Variants in NBEA observed in about 807,000 individuals in gnomAD.
NBEA encodes the protein lysosomal-trafficking regulator 2.
A neutral mutation model predicts 343.4 loss-of-function variants in NBEA; 44 were observed. The ratio of observed to expected loss-of-function variants is 0.13; its 90% CI spans 0.10 to 0.16. The LOEUF (loss-of-function observed/expected upper bound fraction) is 0.16, where lower values mean the gene tolerates loss of function less well. NBEA is among the 10% of genes least tolerant of loss of function. NBEA has a pLI of 1.00. For missense variants in NBEA, 2,555 were observed against 3,631.3 expected, an observed-to-expected ratio of 0.70 and a Z score of 7.62; for synonymous variants, 1,175 against 1,238.7, an observed-to-expected ratio of 0.95 and a Z score of 1.08.
chr13:35,196,803 A>T (rs916479657), intron 31 of NBEA, among the ~76,000 whole-genome samples: 1 of 152,138 alleles, frequency 6.6e-6, no homozygotes, highest in Non-Finnish European at 1.5e-5. Context: ...GTTTGTGGTC[A>T]TCTTCTTTAT....
At chr13:35,301,708 A>G (rs2036560476) in intron 35 of NBEA, among the ~76,000 whole-genome samples, 1 of 152,064 alleles carries the variant, frequency 6.6e-6, no homozygotes, top group Non-Finnish European at 1.5e-5. Context: ...ATACCCAGTA[A>G]TGGGATTACT....
At chr13:35,211,212 CT>C in intron 33 of NBEA, 33 bp downstream of exon 33, 1 of 1,513,858 alleles carries the variant, frequency 6.6e-7, no homozygotes, top group Non-Finnish European at 8.9e-7. Flanking sequence ...CATTTTAACT[CT>C]TTTTAAATGT....
intron 40 of NBEA, among the ~76,000 whole-genome samples, chr13:35,456,121 C>CT (rs1311944515): frequency 6.6e-6 from 1 of 151,980 alleles, no homozygotes. Flanking sequence ...AAATAGAATG[C>CT]TTTTAGTACA....
At chr13:35,266,057 AAAGAAGAAATAC>A (rs1325233738) in intron 34 of NBEA, among the ~76,000 whole-genome samples, 2 of 152,038 alleles carry the variant, frequency 1.3e-5, no homozygotes, top group Non-Finnish European at 2.9e-5. Context: ...ATATTTCTCA[AAAGAAGAAATAC>A]AAGTGGCCAA....
At chr13:35,021,219 A>C (rs1026574490) in intron 1 of NBEA, among the ~76,000 whole-genome samples, 6 of 152,096 alleles carry the variant, frequency 3.9e-5, no homozygotes, top group Admixed American at 6.5e-5. Context: ...GAATGGTGGC[A>C]CACCTTGTCT....
At chr13:35,498,448 A>G (rs2076765960) in intron 41 of NBEA, among the ~76,000 whole-genome samples, 1 of 152,048 alleles carries the variant, frequency 6.6e-6, no homozygotes, top group Non-Finnish European at 1.5e-5. Context: ...CATAGCTACT[A>G]TACCACATGA....
At position 34,942,883 on chromosome 13, in the gene NBEA, C is replaced by G; in HGVS notation, c.63C>G (p.Ala21=). 8 of 1,446,390 alleles carry G rather than the reference C, an allele frequency of 5.5e-6. No homozygotes were observed. The highest frequency in any genetic ancestry group is 7.3e-6 in the Non-Finnish European group (8 of 1,090,998). The allele number at this position is 1,446,390 out of a possible 1,614,324, so 89.6% of individuals were successfully genotyped here. The change falls in exon 1 of 59, where the codon GCC becomes GCG. Residue 21 remains alanine (A), a synonymous_variant. Transcript: ENST00000379939. ...GLEPQPVGLI[A]VGAAGGGGGG... The stretch of plus-strand genomic sequence containing the variant: ...AGCCTCAGCCCGTGGGGCTCATTGC[C>G]GTCGGGGCCGCTGGCGGAGGCGGCG...
At chr13:35,650,864 G>A (rs999497293) in intron 52 of NBEA, among the ~76,000 whole-genome samples, 7 of 152,154 alleles carry the variant, frequency 4.6e-5, no homozygotes, top group Non-Finnish European at 8.8e-5. Flanking sequence ...GAGCCATGCC[G>A]AAGTAACCTG....
chr13:35,283,141 TAGA>T (rs1422960718), intron 34 of NBEA, among the ~76,000 whole-genome samples: 2 of 152,270 alleles, frequency 1.3e-5, no homozygotes, highest in Non-Finnish European at 1.5e-5. Context: ...TGTCATTTTG[TAGA>T]AGATTTATCT....
At chr13:35,584,870 C>A (rs1158263654) in intron 46 of NBEA, among the ~76,000 whole-genome samples, 2 of 151,714 alleles carry the variant, frequency 1.3e-5, no homozygotes, top group Non-Finnish European at 2.9e-5. Flanking sequence ...TTCTCCTGGG[C>A]TCAGGTGATC....
At chr13:35,302,548 A>T (rs1446214714) in intron 35 of NBEA, among the ~76,000 whole-genome samples, 1 of 152,208 alleles carries the variant, frequency 6.6e-6, no homozygotes, top group Non-Finnish European at 1.5e-5. Context: ...AGGCCTGCAT[A>T]AACTGTTCTT....
chr13:35,385,131 A>C (rs2042184045), intron 38 of NBEA, among the ~76,000 whole-genome samples: 1 of 152,128 alleles, frequency 6.6e-6, no homozygotes, highest in Non-Finnish European at 1.5e-5. Context: ...TGCTGCATTA[A>C]AATTTTAATA....
intron 41 of NBEA, among the ~76,000 whole-genome samples, chr13:35,514,470 CT>C (rs1040652944): frequency 4.6e-5 from 7 of 152,084 alleles, no homozygotes; most frequent in Non-Finnish European, 1.0e-4. Flanking sequence ...GCCTGGGTCC[CT>C]CTGGAATGCC....
chr13:35,085,147 C>T (rs949634809), intron 10 of NBEA, among the ~76,000 whole-genome samples: 15 of 152,042 alleles, frequency 9.9e-5, no homozygotes, highest in South Asian at 2.1e-4. Flanking sequence ...CGAATTCTAC[C>T]GGAGGTACAA....
intron 39 of NBEA, among the ~76,000 whole-genome samples, chr13:35,446,816 T>C (rs2046073393): frequency 6.6e-6 from 1 of 152,026 alleles, no homozygotes; most frequent in East Asian, 1.9e-4. Flanking sequence ...CCTATATATC[T>C]ATATAAATAT....
chr13:35,408,662 A>G (rs1055341614), intron 38 of NBEA, among the ~76,000 whole-genome samples: 1 of 69,180 alleles, frequency 1.4e-5, no homozygotes, highest in Non-Finnish European at 2.8e-5. Flanking sequence ...TACAAGCAAG[A>G]AACAAACAAC....
At chr13:35,610,707 A>G (rs1349405196) in intron 48 of NBEA, among the ~76,000 whole-genome samples, 1 of 152,156 alleles carries the variant, frequency 6.6e-6, no homozygotes, top group Non-Finnish European at 1.5e-5. Flanking sequence ...GATACACTGG[A>G]CTTTATTAAA....
chr13:35,651,909 A>C (rs2084540922), intron 53 of NBEA, 33 bp downstream of exon 53: 1 of 1,139,536 alleles, frequency 8.8e-7, no homozygotes, highest in African/African-American at 1.5e-5. Context: ...ATTTTCATGG[A>C]TACTATCCAT....
intron 39 of NBEA, among the ~76,000 whole-genome samples, chr13:35,433,575 A>G (rs923540331): frequency 7.2e-5 from 11 of 152,194 alleles, no homozygotes; most frequent in Middle Eastern, 3.4e-3. Flanking sequence ...ATGAATTGCT[A>G]TAACTTAATA....
Sources: gnomAD v4.1 joint callset for allele counts (sites outside exome capture counted in the v4.1 genomes callset) on GRCh38, gnomAD v4.1.1 for gene constraint, MANE v1.5 for transcripts, NCBI Gene and HGNC (gene_info 2026-07-23, HGNC 2026-07-21) for gene names.